STXBP5L: variants seen among roughly 807,000 people sequenced by gnomAD.
STXBP5L encodes syntaxin-binding protein 5-like.
STXBP5L carries 65 observed loss-of-function variants against 144.5 expected under a neutral mutation model. That is an observed-to-expected ratio of 0.45 (90% CI 0.37 to 0.55). The LOEUF (loss-of-function observed/expected upper bound fraction) is 0.55. STXBP5L is among the 20% of genes least tolerant of loss of function. The pLI, the probability that STXBP5L is intolerant of heterozygous loss-of-function variation, is 0.00. For missense variants in STXBP5L, 1,298 were observed against 1,405.5 expected (o/e 0.92, Z 1.22); for synonymous variants, 505 against 469.6 (o/e 1.08, Z -0.97).
chr3:121,271,838 C>T (rs182634783), intron 18 of STXBP5L, among the ~76,000 whole-genome samples: 94 of 152,282 alleles, frequency 6.2e-4, no homozygotes, highest in Non-Finnish European at 1.1e-3. Flanking sequence ...GTTCTGCAGG[C>T]TGTGCTGGAA....
chr3:120,963,157 A>T (rs1245100070), intron 3 of STXBP5L, among the ~76,000 whole-genome samples: 1 of 152,238 alleles, frequency 6.6e-6, no homozygotes, highest in Non-Finnish European at 1.5e-5. Context: ...GTTGCTTATC[A>T]GCTTAAGGAG....
chr3:121,099,310 A>T (rs1047697346), intron 5 of STXBP5L: 2 of 152,270 alleles, frequency 1.3e-5, no homozygotes, highest in East Asian at 1.9e-4. Context: ...ATACCTCTGC[A>T]GATACATGAT....
At chr3:120,945,138 A>G (rs1054170598) in intron 2 of STXBP5L, among the ~76,000 whole-genome samples, 2 of 151,768 alleles carry the variant, frequency 1.3e-5, no homozygotes, top group Non-Finnish European at 2.9e-5. Context: ...ATAAATTTTG[A>G]GACAGTTTAT....
At chr3:121,094,331 G>A (rs12494879) in intron 5 of STXBP5L, among the ~76,000 whole-genome samples, 38,271 of 151,724 alleles carry the variant, frequency 0.25, 4,989 homozygotes, top group African/African-American at 0.28. Flanking sequence ...TATCCTTGTC[G>A]ACTTTCTGTC....
At chr3:121,113,154 G>A (rs2044071215) in intron 5 of STXBP5L, among the ~76,000 whole-genome samples, 1 of 152,126 alleles carries the variant, frequency 6.6e-6, no homozygotes, top group Non-Finnish European at 1.5e-5. Flanking sequence ...CTGAAACCTG[G>A]TAGTTCTTAC....
chr3:121,157,447 T>C, intron 8 of STXBP5L, 57 bp from the exon 9 acceptor site: 1 of 1,466,188 alleles, frequency 6.8e-7, no homozygotes, highest in Non-Finnish European at 9.0e-7. Context: ...GAATATAGAA[T>C]GATATAACCT....
At chr3:121,367,269 C>G (rs778643247) in intron 20 of STXBP5L, among the ~76,000 whole-genome samples, 10 of 152,084 alleles carry the variant, frequency 6.6e-5, no homozygotes, top group Non-Finnish European at 1.5e-4. Flanking sequence ...TACCTAATAT[C>G]CTTTTATTTC....
intron 18 of STXBP5L, among the ~76,000 whole-genome samples, chr3:121,266,677 A>C (rs2050577504): frequency 6.6e-6 from 1 of 152,178 alleles, no homozygotes; most frequent in African/African-American, 2.4e-5. Flanking sequence ...AAAAGGGAGG[A>C]AGTCAAATTG....
At chr3:121,316,939 T>A (rs1057410300) in intron 19 of STXBP5L, among the ~76,000 whole-genome samples, 2 of 152,208 alleles carry the variant, frequency 1.3e-5, no homozygotes, top group Non-Finnish European at 2.9e-5. Flanking sequence ...TGCTGTCAGA[T>A]AGCAAAGCCT....
intron 10 of STXBP5L, among the ~76,000 whole-genome samples, chr3:121,217,830 G>C (rs1482024201): frequency 6.6e-6 from 1 of 151,534 alleles, no homozygotes; most frequent in East Asian, 1.9e-4. Context: ...ATGCCTGAGA[G>C]GTTCTTCCAT....
chr3:120,992,113 C>G (rs1358495290), intron 3 of STXBP5L, among the ~76,000 whole-genome samples: 1 of 151,956 alleles, frequency 6.6e-6, no homozygotes, highest in Non-Finnish European at 1.5e-5. Flanking sequence ...TAAAGAAAAT[C>G]TATGTCAATC....
chr3:121,303,659 A>C (rs1488067717), intron 19 of STXBP5L, among the ~76,000 whole-genome samples: 1 of 152,256 alleles, frequency 6.6e-6, no homozygotes, highest in Non-Finnish European at 1.5e-5. Context: ...CTGGATTAAG[A>C]AAATGTGGCA....
chr3:120,958,766 G>A (rs1442334971), intron 3 of STXBP5L, among the ~76,000 whole-genome samples: 1 of 152,092 alleles, frequency 6.6e-6, no homozygotes, highest in Non-Finnish European at 1.5e-5. Context: ...TAAATAATAA[G>A]AGCTATCTAT....
chr3:120,972,556 C>G (rs1940396919), intron 3 of STXBP5L, among the ~76,000 whole-genome samples: 1 of 151,912 alleles, frequency 6.6e-6, no homozygotes, highest in Non-Finnish European at 1.5e-5. Flanking sequence ...TTGCATGCCT[C>G]TTATTTCTTT....
chr3:120,912,855 A>C (rs1436077443), intron 2 of STXBP5L, among the ~76,000 whole-genome samples: 1 of 151,814 alleles, frequency 6.6e-6, no homozygotes, highest in Non-Finnish European at 1.5e-5. Flanking sequence ...TTCCATTTTT[A>C]TTTGCTTGAT....
chr3:121,198,222 T>G (rs765012259), intron 9 of STXBP5L, among the ~76,000 whole-genome samples: 11 of 152,252 alleles, frequency 7.2e-5, no homozygotes, highest in Non-Finnish European at 1.6e-4. Flanking sequence ...GTGGTTTTGA[T>G]TTGCATTTCT....
At chr3:121,254,364 A>G (rs1311892381) in intron 15 of STXBP5L, among the ~76,000 whole-genome samples, 1 of 152,182 alleles carries the variant, frequency 6.6e-6, no homozygotes, top group African/African-American at 2.4e-5. Context: ...CTTCTCAAAT[A>G]GTTACAGATT....
intron 22 of STXBP5L, among the ~76,000 whole-genome samples, chr3:121,400,932 A>T (rs1167351225): frequency 6.6e-6 from 1 of 152,200 alleles, no homozygotes; most frequent in African/African-American, 2.4e-5. Context: ...TAGAACATAA[A>T]TAGCAAATAT....
At chr3:121,413,061 C>A in intron 23 of STXBP5L, 97 bp from the exon 24 acceptor site, 10 of 993,030 alleles carry the variant, frequency 1.0e-5, no homozygotes, top group African/African-American at 1.7e-5. Context: ...TAAAAAGAAA[C>A]AACCATAAAA....
Sources: gnomAD v4.1 joint callset for allele counts (sites outside exome capture counted in the v4.1 genomes callset) on GRCh38, gnomAD v4.1.1 for gene constraint, MANE v1.5 for transcripts, NCBI Gene and HGNC (gene_info 2026-07-23, HGNC 2026-07-21) for gene names.